Variants in POLR1C observed in about 807,000 individuals in gnomAD.
The protein encoded by POLR1C is DNA-directed RNA polymerases I and III subunit RPAC1.
In POLR1C, 42 loss-of-function variants were observed where a neutral mutation model predicts 38.3. The observed-to-expected ratio is 1.10, with a 90% confidence interval of 0.86 to 1.42. The LOEUF is 1.42. Ranked by LOEUF, POLR1C falls within the 40% of genes most tolerant of loss-of-function variation. The probability of loss-of-function intolerance (pLI) is 0.00; values close to 1 mark genes in which losing one functional copy is unlikely to be tolerated. For missense variants in POLR1C, 507 were observed against 450.5 expected (o/e 1.13, Z -1.14); for synonymous variants, 163 against 163.9 (o/e 0.99, Z 0.04).
chr6:43,523,488 T>C, downstream of POLR1C: 1 of 379,722 alleles, frequency 2.6e-6, no homozygotes, highest in South Asian at 2.1e-5. Context: ...GCTGCGAGCC[T>C]TGCTAGTCGC....
chr6:43,526,235 GTA>G, downstream of POLR1C: 1 of 420,836 alleles, frequency 2.4e-6, no homozygotes, highest in African/African-American at 2.0e-5. Flanking sequence ...GGGATAAAAG[GTA>G]TAGGACAATA....
chr6:43,518,248 G>T (rs1289568275), intron 2 of POLR1C, among the ~76,000 whole-genome samples: 1 of 152,198 alleles, frequency 6.6e-6, no homozygotes, highest in Non-Finnish European at 1.5e-5. Context: ...GGGAAGCTGA[G>T]GTTGAAGACA....
At chr6:43,526,825 C>A in intron 8 of POLR1C, 1 of 1,462,674 alleles carries the variant, frequency 6.8e-7, no homozygotes, top group Non-Finnish European at 9.4e-7. Flanking sequence ...CCACTGATCC[C>A]AACCTGTCTC....
intron 10 of POLR1C, among the ~76,000 whole-genome samples, chr6:43,559,215 T>C (rs1762274024): frequency 6.6e-6 from 1 of 152,114 alleles, no homozygotes; most frequent in Non-Finnish European, 1.5e-5. Context: ...GAGAATTGCT[T>C]GAACCCAGGA....
chr6:43,531,911 G>A (rs1040032958), downstream of POLR1C, among the ~76,000 whole-genome samples: 3 of 151,982 alleles, frequency 2.0e-5, no homozygotes, highest in Admixed American at 6.6e-5. Context: ...CCTTTTTTAA[G>A]CAAAATCTTA....
chr6:43,561,021 C>T, intron 10 of POLR1C: 1 of 1,601,144 alleles, frequency 6.2e-7, no homozygotes. Flanking sequence ...TAGGAGAAGA[C>T]CACTATATTA....
chr6:43,543,826 G>A lies in POLR1C; in HGVS notation c.*5-7142G>A, dbSNP rs914189728. Among the ~76,000 whole-genome samples the A allele has an allele frequency of 4.0e-4, 61 of 151,992 alleles. 1 individual carries two copies. Among genetic ancestry groups the A allele is most frequent in the African/African-American group, 1.4e-3 (58 of 41,468 alleles). On this transcript the variant is annotated intron_variant, in intron 9 of 10. Transcript: ENST00000607635. ...CGAGTAGCTGGGATTACAGGCGCCC[G>A]CCACCATGCCTGGCTAATTTTTGTA...
downstream of POLR1C, chr6:43,525,398 G>A (rs919308224): frequency 1.5e-5 from 9 of 608,954 alleles, no homozygotes; most frequent in Non-Finnish European, 2.0e-5. Context: ...TAAGCCTCCC[G>A]AATAGCTGGG....
In POLR1C at chr6:43,520,095, C is replaced by T. The variant is rs774882134; in HGVS notation, c.412C>T (p.Leu138=). 1.2e-6 allele frequency: 2 copies of T among 1,614,226 alleles called. No individual in the cohort carries two copies. The highest frequency in any genetic ancestry group is 1.7e-6 in the Non-Finnish European group (2 of 1,180,038). ...GDEEGTEIDT[L]QFRLQVRCTR... is the part of the protein sequence containing the mutation. ...TGAAGAAGGCACAGAGATAGATACT[C>T]TACAGTTTCGTCTCCAGGTCAGATG... The change falls in exon 5 of 9, where the codon CTA becomes TTA. Residue 138 remains leucine (L), a synonymous_variant. Coordinates refer to ENST00000642195, the MANE Select transcript of POLR1C (RefSeq NM_203290.4).
rs1468898665 is a variant in POLR1C at position 43,517,477 on chromosome 6, C to T, written c.141+100C>T. On this transcript the variant is annotated intron_variant, in intron 2 of 8. Coordinates refer to ENST00000642195, the MANE Select transcript of POLR1C (RefSeq NM_203290.4). ...CAGAAGCTGCTCTTGGGGGTCGCTC[C>T]GTTTGTAAGTTTGTTGAGCAATGTG... 6 of 1,015,512 alleles carry T rather than the reference C, an allele frequency of 5.9e-6. No homozygotes were observed. The African/African-American group carries it at 6.4e-5, about 11-fold the overall frequency. The allele number at this position is 1,015,512 out of a possible 1,614,324, so 62.9% of individuals were successfully genotyped here. A position where few individuals can be genotyped will look rare whatever the true frequency, so the allele number is the denominator to read the frequency against.
intron 9 of POLR1C, chr6:43,549,641 A>C: frequency 6.5e-7 from 1 of 1,540,710 alleles, no homozygotes; most frequent in Non-Finnish European, 8.8e-7. Context: ...TGCTGCATAG[A>C]CTCATGTGAA....
downstream of POLR1C, chr6:43,525,885 G>A (rs758822434): frequency 6.2e-7 from 1 of 1,614,028 alleles, no homozygotes; most frequent in South Asian, 1.1e-5. Context: ...CTCTGCCATA[G>A]CTGAGGGGGT....
chr6:43,523,591 T>C (rs767956248), downstream of POLR1C: 2 of 637,282 alleles, frequency 3.1e-6, no homozygotes, highest in Middle Eastern at 3.8e-4. Context: ...TGCTCTGCTC[T>C]AGCTTTTCTT....
At chr6:43,544,810 A>T (rs1487986069) in intron 9 of POLR1C, among the ~76,000 whole-genome samples, 1 of 152,188 alleles carries the variant, frequency 6.6e-6, no homozygotes, top group Non-Finnish European at 1.5e-5. Flanking sequence ...CCCTCTCAGT[A>T]CAAGTCCTAC....
intron 9 of POLR1C, chr6:43,539,545 G>T: frequency 7.0e-7 from 1 of 1,420,496 alleles, no homozygotes; most frequent in Non-Finnish European, 9.8e-7. Flanking sequence ...CTTTGGCCTT[G>T]CCTCCGCGAG....
chr6:43,531,400 T>G, downstream of POLR1C: 1 of 1,360,480 alleles, frequency 7.4e-7, no homozygotes, highest in Non-Finnish European at 1.1e-6. Context: ...GTACACTAGA[T>G]GAAAAGTCCA....
At chr6:43,546,581 C>T (rs774734064) in intron 9 of POLR1C, 2 of 1,607,838 alleles carry the variant, frequency 1.2e-6, no homozygotes, top group Non-Finnish European at 1.7e-6. Context: ...CTTATAAGCG[C>T]AAGCAAATTG....
At position 43,520,439 on chromosome 6, in the gene POLR1C, GT is replaced by G; in HGVS notation, c.655+13del. On this transcript the variant is annotated intron_variant, in intron 6 of 8. Transcript: ENST00000642195. ...TGTCAAGGGCATTGGTGAGAACCCT[GT>G]GTGCCTTCCTGGGAAGGGGGATAGT... 1 of 1,613,220 alleles carries G rather than the reference GT, an allele frequency of 6.2e-7. No homozygotes were observed. Among genetic ancestry groups the G allele is most frequent in the Non-Finnish European group, 8.5e-7 (1 of 1,180,024 alleles).
At chr6:43,556,542 AT>A (rs1227740419) in intron 10 of POLR1C, among the ~76,000 whole-genome samples, 3 of 150,036 alleles carry the variant, frequency 2.0e-5, no homozygotes, top group Non-Finnish European at 2.9e-5. Flanking sequence ...AAAAAAAAAA[AT>A]TTTTAAAAAG....
Sources: allele counts gnomAD v4.1 joint callset (sites outside exome capture counted in the v4.1 genomes callset), GRCh38; gene constraint gnomAD v4.1.1; transcripts MANE v1.5; gene names NCBI Gene and HGNC (gene_info 2026-07-23, HGNC 2026-07-21).